MRPS6: variants seen among roughly 807,000 people sequenced by gnomAD.
The protein encoded by MRPS6 is mitochondrial ribosomal protein S6.
In MRPS6, 6 loss-of-function variants were observed where a neutral mutation model predicts 13.1. The observed-to-expected ratio is 0.46, with a 90% CI of 0.25 to 0.91. The LOEUF (loss-of-function observed/expected upper bound fraction) is 0.91, where lower values mean the gene tolerates loss of function less well. Ranked by LOEUF, MRPS6 falls within the 40% of genes least tolerant of loss-of-function variation. The pLI, the probability that MRPS6 is intolerant of heterozygous loss-of-function variation, is 0.18. For synonymous variants in MRPS6, 61 were observed against 56.5 expected, an observed-to-expected ratio of 1.08 and a Z score of -0.36; for missense variants, 164 against 155.6, an observed-to-expected ratio of 1.05 and a Z score of -0.29.
chr21:34,107,210 G>A (rs987645476), intron 1 of MRPS6, among the ~76,000 whole-genome samples: 5 of 152,218 alleles, frequency 3.3e-5, no homozygotes, highest in African/African-American at 1.2e-4. Context: ...GGGATTACAG[G>A]CGTGAGCCAC....
chr21:34,124,947 T>C (rs963958337), intron 1 of MRPS6: 1 of 156,156 alleles, frequency 6.4e-6, no homozygotes, highest in Admixed American at 6.5e-5. Flanking sequence ...TCAGGTGTCC[T>C]GCCAACGAGA....
At chr21:34,095,963 A>C in intron 1 of MRPS6, 1 of 1,614,172 alleles carries the variant, frequency 6.2e-7, no homozygotes, top group Middle Eastern at 1.6e-4. Flanking sequence ...GGAATCCAAC[A>C]GATGAAGATG....
At chr21:34,082,833 G>GT (rs1209812167) in intron 1 of MRPS6, among the ~76,000 whole-genome samples, 2 of 152,028 alleles carry the variant, frequency 1.3e-5, no homozygotes, top group Admixed American at 1.3e-4. Flanking sequence ...TTGGCCCAAG[G>GT]TGTAATTGAC....
At chr21:34,140,172 T>C (rs935767433) in intron 2 of MRPS6, among the ~76,000 whole-genome samples, 3 of 152,110 alleles carry the variant, frequency 2.0e-5, no homozygotes, top group Non-Finnish European at 4.4e-5. Context: ...GGATTTAATT[T>C]GCTCTTTTCC....
At chr21:34,082,607 GA>G (rs1989484146) in intron 1 of MRPS6, among the ~76,000 whole-genome samples, 1 of 152,042 alleles carries the variant, frequency 6.6e-6, no homozygotes, top group Non-Finnish European at 1.5e-5. Context: ...GTATTACCAT[GA>G]AAAAAATTCA....
chr21:34,079,948 G>A (rs181031764), intron 1 of MRPS6, among the ~76,000 whole-genome samples: 102 of 152,138 alleles, frequency 6.7e-4, no homozygotes, highest in African/African-American at 2.2e-3. Context: ...TCGCTTCTCT[G>A]TCTTCTGTCA....
At chr21:34,120,616 C>A (rs1265693175) in intron 1 of MRPS6, among the ~76,000 whole-genome samples, 3 of 151,988 alleles carry the variant, frequency 2.0e-5, no homozygotes, top group Non-Finnish European at 4.4e-5. Flanking sequence ...AAGTATTATA[C>A]TATTTCGTTA....
chr21:34,082,006 TTC>T (rs1989469985), intron 1 of MRPS6, among the ~76,000 whole-genome samples: 1 of 152,106 alleles, frequency 6.6e-6, no homozygotes, highest in Non-Finnish European at 1.5e-5. Flanking sequence ...AGCTTTTTTT[TTC>T]TCTCTTCCTC....
At chr21:34,098,212 C>T (rs1286902692) in intron 1 of MRPS6, 2 of 996,080 alleles carry the variant, frequency 2.0e-6, no homozygotes, top group Non-Finnish European at 1.2e-6. Flanking sequence ...TTAACTTATG[C>T]TAATCAGATG....
chr21:34,104,692 C>CT lies in MRPS6; in HGVS notation c.46-20648dup, dbSNP rs1342943622. Reference sequence around the variant, plus strand: ...TATTTGAGAATATCAAACCTCAGGCCTGGGGGGATGAGGGGAAGAAGATTA... The same window carrying CT: ...TATTTGAGAATATCAAACCTCAGGCCTTGGGGGGATGAGGGGAAGAAGATTA... On this transcript the variant is annotated intron_variant, in intron 1 of 2. Transcript: ENST00000399312. 3.0e-6 allele frequency: 3 copies of CT among 1,000,106 alleles called. No individual in the cohort carries two copies. In the African/African-American group the frequency reaches 5.2e-5, roughly 17 times the overall value. The allele number at this position is 1,000,106 out of a possible 1,614,324, so 62.0% of individuals were successfully genotyped here. A position where few individuals can be genotyped will look rare whatever the true frequency, so the allele number is the denominator to read the frequency against.
rs200726442 is a variant in MRPS6, at chr21:34,142,447, T to C, written c.225T>C (p.Val75=). The change falls in exon 3 of 3, where the codon GTT becomes GTC. Residue 75 remains valine (V), a synonymous_variant. Coordinates refer to ENST00000399312, the MANE Select transcript of MRPS6 (RefSeq NM_032476.4). ...ATTTTTATGCACCCACCGCAGCTGT[T>C]GAAAGCATGGTGGAGCACTTGTCTC... ...LVDFYAPTAA[V]ESMVEHLSRD... 29 of 1,601,170 alleles carry C rather than the reference T, an allele frequency of 1.8e-5. No individual in the cohort carries two copies. The East Asian group carries it at 6.3e-4, about 35-fold the overall frequency.
At chr21:34,097,410 A>AG (rs1239699495) in intron 1 of MRPS6, 139 of 1,355,292 alleles carry the variant, frequency 1.0e-4, no homozygotes, top group Non-Finnish European at 1.2e-4. Context: ...GTCTTTGGGG[A>AG]AAAAAGTTAT....
intron 1 of MRPS6, among the ~76,000 whole-genome samples, chr21:34,090,640 G>C (rs1978637927): frequency 6.6e-6 from 1 of 152,152 alleles, no homozygotes; most frequent in Admixed American, 6.5e-5. Flanking sequence ...GTATATTCAG[G>C]TTGTAGGGAG....
In MRPS6 at chr21:34,142,860, G is replaced by C. The variant is rs527406560; in HGVS notation, c.*260G>C. 3.2e-6 allele frequency: 1 copy of C among 313,638 alleles called. No homozygotes were observed. The highest frequency in any genetic ancestry group is 5.8e-6 in the Non-Finnish European group (1 of 173,526). The allele number at this position is 313,638 out of a possible 1,614,324, so 19.4% of individuals were successfully genotyped here. ...ATTAGTGTCATTTCTTTGTCATTGA[G>C]GACTTTTCCCCTTACAACAGTAACA... is the stretch of plus-strand genomic sequence containing the variant. On this transcript the variant is annotated 3_prime_UTR_variant, in exon 3 of 3. Coordinates refer to ENST00000399312, the MANE Select transcript of MRPS6 (RefSeq NM_032476.4).
intron 2 of MRPS6, among the ~76,000 whole-genome samples, chr21:34,141,288 G>C (rs1170796164): frequency 6.6e-6 from 1 of 152,202 alleles, no homozygotes; most frequent in Non-Finnish European, 1.5e-5. Flanking sequence ...CCAGTGGTGA[G>C]AACGTACTTT....
chr21:34,076,881 A>C (rs1989344722), intron 1 of MRPS6, among the ~76,000 whole-genome samples: 1 of 152,248 alleles, frequency 6.6e-6, no homozygotes, highest in Non-Finnish European at 1.5e-5. Flanking sequence ...AGAGAGTTTT[A>C]TTCACTTCTG....
At chr21:34,111,304 G>T (rs1206166224) in intron 1 of MRPS6, among the ~76,000 whole-genome samples, 1 of 152,136 alleles carries the variant, frequency 6.6e-6, no homozygotes, top group African/African-American at 2.4e-5. Flanking sequence ...CCACCCATAA[G>T]AAATAGAACA....
chr21:34,142,383 C>T (rs747898913), intron 2 of MRPS6, 25 bp from the exon 3 acceptor site: 3 of 1,545,068 alleles, frequency 1.9e-6, no homozygotes, highest in Admixed American at 2.1e-5. Context: ...AATGCAGACA[C>T]TCACAAGTTT....
intron 1 of MRPS6, among the ~76,000 whole-genome samples, chr21:34,084,974 T>C (rs761186688): frequency 1.3e-5 from 2 of 151,708 alleles, no homozygotes; most frequent in Non-Finnish European, 1.5e-5. Flanking sequence ...GACATACCTT[T>C]CTTAGGAATA....
Sources: gnomAD v4.1 joint callset for allele counts (sites outside exome capture counted in the v4.1 genomes callset) on GRCh38, gnomAD v4.1.1 for gene constraint, MANE v1.5 for transcripts, NCBI Gene and HGNC (gene_info 2026-07-23, HGNC 2026-07-21) for gene names.